The following DGKH variants were observed in gnomAD, a reference collection of about 807,000 sequenced individuals.
The protein encoded by DGKH is DAG kinase eta.
In DGKH, 90 loss-of-function variants were observed where a neutral mutation model predicts 159.3. That is an observed-to-expected ratio of 0.57 (90% confidence interval 0.48 to 0.67). The LOEUF is 0.67. Ranked by LOEUF, DGKH falls within the 30% of genes least tolerant of loss-of-function variation. DGKH has a pLI of 0.00. For missense variants in DGKH, 1,181 were observed against 1,506.1 expected, an observed-to-expected ratio of 0.78 and a Z score of 3.57; for synonymous variants, 536 against 553.8, an observed-to-expected ratio of 0.97 and a Z score of 0.45.
intron 3 of DGKH, among the ~76,000 whole-genome samples, chr13:42,145,532 T>G (rs1410777152): frequency 6.6e-6 from 1 of 152,068 alleles, no homozygotes; most frequent in Non-Finnish European, 1.5e-5. Context: ...AAGTTAGTCT[T>G]TGTATCTTGG....
chr13:42,093,156 AT>A (rs1419855364), intron 1 of DGKH, among the ~76,000 whole-genome samples: 2 of 151,578 alleles, frequency 1.3e-5, no homozygotes, highest in Non-Finnish European at 1.5e-5. Context: ...AGGTGGGAGG[AT>A]TACCTGAGCC....
At chr13:42,165,540 A>G (rs1016232558) in intron 8 of DGKH, 107 bp downstream of exon 8, 2 of 547,546 alleles carry the variant, frequency 3.7e-6, no homozygotes, top group East Asian at 6.8e-5. Context: ...TATTGTAGTC[A>G]GTTTTTCTAA....
chr13:42,256,550 A>G, exon 31 of DGKH: 1 of 727,678 alleles, frequency 1.4e-6, no homozygotes, highest in East Asian at 2.7e-5. Context: ...GTAAATTTAT[A>G]ATGAAAATAA....
chr13:42,159,264 A>ATTTT lies in DGKH; in HGVS notation c.623-2_623-1insTTTT. The ATTTT allele has an allele frequency of 1.0e-5, 1 of 99,102 alleles. No individual in the cohort carries two copies. The highest frequency in any genetic ancestry group is 1.6e-5 in the Non-Finnish European group (1 of 62,600). The allele number at this position is 99,102 out of a possible 1,614,324, so 6.1% of individuals were successfully genotyped here. A position where few individuals can be genotyped will look rare whatever the true frequency, so the allele number is the denominator to read the frequency against. On this transcript the variant is annotated splice_acceptor_variant, in intron 5 of 29. Coordinates refer to ENST00000337343, the MANE Select transcript of DGKH (RefSeq NM_178009.5). LOFTEE classifies it high-confidence loss of function. ...TTGCTCTTTTTTTTTTTTTTTTTTT[A>ATTTT]GTGTGTAAATTCAAGGCTCACAAAA...
downstream of DGKH, chr13:42,242,949 T>C (rs1040725256): frequency 6.6e-6 from 1 of 152,218 alleles, no homozygotes; most frequent in African/African-American, 2.4e-5. Context: ...ATTAAACTTT[T>C]AATTTTGAGA....
intron 1 of DGKH, among the ~76,000 whole-genome samples, chr13:42,083,456 A>G (rs1371617806): frequency 1.3e-5 from 2 of 152,186 alleles, no homozygotes; most frequent in Non-Finnish European, 2.9e-5. Flanking sequence ...ACTTTTAAAA[A>G]CCATAGTTAT....
intron 30 of DGKH, among the ~76,000 whole-genome samples, chr13:42,253,066 G>C (rs569857246): frequency 4.2e-4 from 64 of 152,266 alleles, no homozygotes; most frequent in Middle Eastern, 3.4e-3. Context: ...CAAGATTTTA[G>C]TAAATGTGTT....
intron 26 of DGKH, chr13:42,216,672 A>G (rs347406): frequency 0.99 from 150,583 of 152,328 alleles, 74,455 homozygotes; most frequent in Middle Eastern, 1. Flanking sequence ...GAAAGCCATC[A>G]CTCTTACCTA....
chr13:42,043,537 G>T (rs542755064), intron 1 of DGKH, among the ~76,000 whole-genome samples: 1 of 151,916 alleles, frequency 6.6e-6, no homozygotes. Flanking sequence ...GGTGGGATCT[G>T]CCCAGGCTGG....
intron 15 of DGKH, 48 bp downstream of exon 15, chr13:42,189,357 C>T (rs1413479910): frequency 1.9e-6 from 3 of 1,608,058 alleles, no homozygotes; most frequent in African/African-American, 2.7e-5. Flanking sequence ...AGCATTTCTA[C>T]TGCAAGCATA....
intron 29 of DGKH, among the ~76,000 whole-genome samples, chr13:42,251,390 CAATT>C (rs761477608): frequency 2.0e-5 from 3 of 152,078 alleles, no homozygotes. Flanking sequence ...GTGGGAGGAT[CAATT>C]GAGTCCCTGT....
chr13:42,070,947 C>A (rs772494974), intron 1 of DGKH: 5 of 1,300,744 alleles, frequency 3.8e-6, no homozygotes, highest in South Asian at 1.2e-5. Flanking sequence ...GGACAATTTT[C>A]TTGATGGCTA....
At chr13:42,116,138 T>G (rs1954964326) in intron 1 of DGKH, among the ~76,000 whole-genome samples, 1 of 152,208 alleles carries the variant, frequency 6.6e-6, no homozygotes, top group Non-Finnish European at 1.5e-5. Context: ...GGTGTAAGTC[T>G]GTTAACTATA....
At chr13:42,207,025 T>TTCTTTCTTTCTTTTTC (rs376338046) in intron 21 of DGKH, among the ~76,000 whole-genome samples, 1 of 45,018 alleles carries the variant, frequency 2.2e-5, no homozygotes, top group Admixed American at 2.7e-4. Context: ...CTTTCTTTCT[T>TTCTTTCTTTCTTTTTC]TTTCTTTCTT....
At chr13:42,192,688 A>T (rs1184668514) in intron 16 of DGKH, among the ~76,000 whole-genome samples, 1 of 150,622 alleles carries the variant, frequency 6.6e-6, no homozygotes, top group Non-Finnish European at 1.5e-5. Context: ...GCAGCCCTTT[A>T]ATGATACCAA....
chr13:42,064,500 G>A (rs1036739431), intron 1 of DGKH, among the ~76,000 whole-genome samples: 1 of 152,144 alleles, frequency 6.6e-6, no homozygotes. Context: ...AAAAGCGTGG[G>A]TGGATACAGT....
At chr13:42,201,372 G>C (rs932196179) in intron 20 of DGKH, among the ~76,000 whole-genome samples, 25 of 152,084 alleles carry the variant, frequency 1.6e-4, no homozygotes, top group African/African-American at 6.0e-4. Flanking sequence ...CCTATTTTGA[G>C]GGTGAAATAG....
intron 20 of DGKH, among the ~76,000 whole-genome samples, chr13:42,203,106 A>G (rs1294377962): frequency 6.6e-6 from 1 of 152,148 alleles, no homozygotes; most frequent in African/African-American, 2.4e-5. Context: ...AACAAAATAA[A>G]TTTAGTTTAT....
At chr13:42,210,813 C>T in intron 24 of DGKH, 48 bp downstream of exon 24, 15 of 1,560,986 alleles carry the variant, frequency 9.6e-6, no homozygotes, top group Non-Finnish European at 1.2e-5. Context: ...GTGGTCTCAG[C>T]CAATTTTTGT....
Sources: allele counts gnomAD v4.1 joint callset (sites outside exome capture counted in the v4.1 genomes callset), GRCh38; gene constraint gnomAD v4.1.1; transcripts MANE v1.5; gene names NCBI Gene and HGNC (gene_info 2026-07-23, HGNC 2026-07-21).